COBL: variants seen among roughly 807,000 people sequenced by gnomAD.
COBL encodes the protein protein cordon-bleu.
Under a neutral mutation model 98.8 loss-of-function variants are expected in COBL, and 51 were observed. The observed-to-expected ratio is 0.52, with a 90% CI of 0.41 to 0.65. The LOEUF (loss-of-function observed/expected upper bound fraction) is 0.65. Ranked by LOEUF, COBL falls within the 30% of genes least tolerant of loss-of-function variation. The pLI is 0.00. For synonymous variants in COBL, 634 were observed against 651.7 expected, an observed-to-expected ratio of 0.97 and a Z score of 0.41; for missense variants, 1,617 against 1,617.5, an observed-to-expected ratio of 1.00 and a Z score of 0.01.
At chr7:51,205,641 TTTTTTG>T (rs1438427154) in intron 2 of COBL, among the ~76,000 whole-genome samples, 5 of 103,508 alleles carry the variant, frequency 4.8e-5, no homozygotes, top group Non-Finnish European at 1.2e-4. Flanking sequence ...TGTTTTTTGG[TTTTTTG>T]TTTTTTTTTT....
chr7:51,202,730 G>C (rs1223130079), intron 2 of COBL, among the ~76,000 whole-genome samples: 4 of 152,216 alleles, frequency 2.6e-5, no homozygotes, highest in Non-Finnish European at 1.5e-5. Context: ...GTTTATAGCA[G>C]TAAGATCCTA....
chr7:51,194,834 TGTGCACAAC>T (rs1232638590), intron 2 of COBL, among the ~76,000 whole-genome samples: 1 of 152,188 alleles, frequency 6.6e-6, no homozygotes, highest in Admixed American at 6.5e-5. Flanking sequence ...TTAGGGTACA[TGTGCACAAC>T]GTGCAGGTTT....
intron 6 of COBL, among the ~76,000 whole-genome samples, chr7:51,089,556 CT>C (rs1794615629): frequency 3.3e-5 from 5 of 152,152 alleles, no homozygotes; most frequent in African/African-American, 1.2e-4. Context: ...CCCAAAGTGT[CT>C]ACTGAAAACT....
intron 1 of COBL, among the ~76,000 whole-genome samples, chr7:51,243,639 A>G (rs1796015774): frequency 6.6e-6 from 1 of 152,094 alleles, no homozygotes; most frequent in South Asian, 2.1e-4. Context: ...GGTGAAAAAA[A>G]GCAGTCTTGG....
rs763632557 is a variant in COBL, at chr7:51,234,732, GAAAA to G, written c.42-14792_42-14789del. ...AAAAAAAAAAAAAGAAAGAAAGAAA[GAAAA>G]AGAAAAGAAAGTTCAGAACACAGAA... On this transcript the variant is annotated intron_variant, in intron 1 of 12. Coordinates refer to ENST00000265136, the MANE Select transcript of COBL (RefSeq NM_015198.5). Among the ~76,000 whole-genome samples, 653 of 150,252 alleles carry G rather than the reference GAAAA, an allele frequency of 4.3e-3. 2 individuals are homozygous for G. The highest frequency in any genetic ancestry group is 0.012 in the South Asian group (58 of 4,730).
intron 7 of COBL, among the ~76,000 whole-genome samples, chr7:51,045,045 C>T (rs995760013): frequency 2.0e-5 from 3 of 152,206 alleles, no homozygotes; most frequent in African/African-American, 4.8e-5. Context: ...GCTGCGACCT[C>T]GCTCTTCTAG....
At chr7:51,018,690 C>T (rs143082309) in intron 12 of COBL, among the ~76,000 whole-genome samples, 26 of 151,168 alleles carry the variant, frequency 1.7e-4, no homozygotes, top group African/African-American at 5.6e-4. Context: ...GTCGGGAGTT[C>T]GAAACCAGCC....
intron 12 of COBL, among the ~76,000 whole-genome samples, chr7:51,019,624 A>C (rs1177353171): frequency 6.6e-6 from 1 of 152,170 alleles, no homozygotes; most frequent in Non-Finnish European, 1.5e-5. Flanking sequence ...TGCTTCTCCC[A>C]GGAGGCTCCT....
chr7:51,158,673 C>T (rs1327160390), intron 5 of COBL, among the ~76,000 whole-genome samples: 1 of 151,990 alleles, frequency 6.6e-6, no homozygotes, highest in African/African-American at 2.4e-5. Context: ...AAAGTGTCCG[C>T]CCCTGCCCTT....
intron 1 of COBL, among the ~76,000 whole-genome samples, chr7:51,266,507 G>C (rs1045564963): frequency 7.2e-5 from 11 of 152,182 alleles, no homozygotes; most frequent in African/African-American, 2.7e-4. Context: ...GAACCCGGGA[G>C]GCAGAGGTTG....
chr7:51,311,124 C>T (rs1349873400), intron 1 of COBL, among the ~76,000 whole-genome samples: 2 of 152,142 alleles, frequency 1.3e-5, no homozygotes, highest in African/African-American at 2.4e-5. Context: ...CAAATGTATC[C>T]AAGAAAAATA....
rs115350770 is a variant in COBL, at chr7:51,090,866, C to T, written c.958-5562G>A. Among the ~76,000 whole-genome samples the T allele has an allele frequency of 8.9e-3, 1,356 of 152,242 alleles. 16 individuals carry two copies. The highest frequency in any genetic ancestry group is 0.03 in the African/African-American group (1,226 of 41,546). On this transcript the variant is annotated intron_variant, in intron 6 of 12. Coordinates refer to ENST00000265136, the MANE Select transcript of COBL (RefSeq NM_015198.5). ...AAAATAAGAGAGCTCAGAAGCTGGCCGCAGTGCCAGAAAATCTGCAGTACC... is the reference window on the plus strand; with the variant it reads ...AAAATAAGAGAGCTCAGAAGCTGGCTGCAGTGCCAGAAAATCTGCAGTACC...
intron 1 of COBL, among the ~76,000 whole-genome samples, chr7:51,256,715 A>C (rs1797234924): frequency 1.3e-5 from 2 of 152,232 alleles, no homozygotes; most frequent in South Asian, 4.1e-4. Context: ...GAAAGCCCAG[A>C]GAAGCTGTGA....
chr7:51,046,534 T>G (rs994865892), intron 7 of COBL, among the ~76,000 whole-genome samples: 5 of 152,146 alleles, frequency 3.3e-5, no homozygotes, highest in Admixed American at 3.3e-4. Flanking sequence ...CCACCCCACA[T>G]CTCTTTTCTT....
intron 6 of COBL, among the ~76,000 whole-genome samples, chr7:51,111,148 G>A (rs1392605807): frequency 1.3e-5 from 2 of 152,102 alleles, no homozygotes; most frequent in Non-Finnish European, 2.9e-5. Context: ...CAATAAACAT[G>A]GGGGTGCAGA....
At chr7:51,165,513 A>G (rs1401951379) in intron 5 of COBL, among the ~76,000 whole-genome samples, 1 of 152,068 alleles carries the variant, frequency 6.6e-6, no homozygotes. Context: ...CAATAAAATA[A>G]TATCTGGAGA....
At chr7:51,196,492 T>A (rs1427339957) in intron 2 of COBL, among the ~76,000 whole-genome samples, 2 of 152,176 alleles carry the variant, frequency 1.3e-5, no homozygotes, top group Non-Finnish European at 2.9e-5. Context: ...CAGTTTTTGG[T>A]ATCAGGATGA....
chr7:51,043,540 C>A lies in COBL; in HGVS notation c.1249G>T (p.Val417Phe), dbSNP rs142585520. The A allele has an allele frequency of 8.1e-6, 13 of 1,614,182 alleles. No individual in the cohort carries two copies. Among genetic ancestry groups the A allele is most frequent in the Non-Finnish European group, 1.1e-5 (13 of 1,180,030 alleles). Residue 417 changes from valine (V) to phenylalanine (F), a missense_variant, in exon 8 of 13, where the codon GTC becomes TTC. This residue lies in a region of COBL where 1,304 missense variants were observed against 1,282.0 expected (regional missense o/e 1.02). Coordinates refer to ENST00000265136, the MANE Select transcript of COBL (RefSeq NM_015198.5). ...SGVMSSPSDI[V>F]SLDSQQDSMK... ...CTGTCCTGCTGCGAGTCCAGAGAGACGATGTCTGAGGGGGAACTCATCACT... is the reference window on the plus strand; with the variant it reads ...CTGTCCTGCTGCGAGTCCAGAGAGAAGATGTCTGAGGGGGAACTCATCACT...
At chr7:51,020,030 G>A (rs746562438) in intron 12 of COBL, among the ~76,000 whole-genome samples, 10 of 152,132 alleles carry the variant, frequency 6.6e-5, no homozygotes, top group Admixed American at 3.3e-4. Context: ...CGTGTGGCCC[G>A]CATCAATTAA....
Sources: gnomAD v4.1 joint callset for allele counts (sites outside exome capture counted in the v4.1 genomes callset) on GRCh38, gnomAD v4.1.1 for gene constraint, gnomAD v4.1.1 regional missense constraint, MANE v1.5 for transcripts, NCBI Gene and HGNC (gene_info 2026-07-23, HGNC 2026-07-21) for gene names.